The following ATP9A variants were observed in gnomAD, a reference collection of about 807,000 sequenced individuals.
The protein encoded by ATP9A is probable phospholipid-transporting ATPase IIA.
A neutral mutation model predicts 144.1 loss-of-function variants in ATP9A; 52 were observed. That is an observed-to-expected ratio of 0.36 (90% CI 0.29 to 0.45). The LOEUF (loss-of-function observed/expected upper bound fraction) is 0.45. Ranked by LOEUF, ATP9A falls within the 20% of genes least tolerant of loss-of-function variation. The probability of loss-of-function intolerance (pLI) is 1.00; values close to 1 mark genes in which losing one functional copy is unlikely to be tolerated. For missense variants in ATP9A, 947 were observed against 1,392.7 expected (o/e 0.68, Z 5.09); for synonymous variants, 582 against 557.4 (o/e 1.04, Z -0.62).
intron 4 of ATP9A, among the ~76,000 whole-genome samples, chr20:51,706,986 G>A (rs1481920385): frequency 6.6e-6 from 1 of 152,140 alleles, no homozygotes; most frequent in Non-Finnish European, 1.5e-5. Context: ...CTTCTCTGGA[G>A]AGGCTCAGGA....
intron 14 of ATP9A, among the ~76,000 whole-genome samples, chr20:51,648,303 C>T (rs2122758736): frequency 6.6e-6 from 1 of 152,298 alleles, no homozygotes; most frequent in South Asian, 2.1e-4. Flanking sequence ...TGTACTTGAG[C>T]TCTCCAGCAG....
intron 3 of ATP9A, among the ~76,000 whole-genome samples, chr20:51,717,873 G>A (rs73135640): frequency 0.2 from 29,895 of 151,534 alleles, 3,303 homozygotes; most frequent in South Asian, 0.37. Context: ...AGAATCACTT[G>A]AACCCGGGAG....
chr20:51,754,261 G>A (rs1321023297), intron 1 of ATP9A, among the ~76,000 whole-genome samples: 1 of 151,874 alleles, frequency 6.6e-6, no homozygotes, highest in African/African-American at 2.4e-5. Context: ...CAGCACTTTG[G>A]GAGGCCAAGG....
chr20:51,607,509 G>A lies in ATP9A; in HGVS notation c.2803+18C>T, dbSNP rs376369640. ...GTACCAGAGCACAAGACAAACAGGT[G>A]TCTCCACTCATCCTTACCTTGATAG... On this transcript the variant is annotated intron_variant, in intron 26 of 27. Coordinates refer to ENST00000338821, the MANE Select transcript of ATP9A (RefSeq NM_006045.3). 2.0e-5 allele frequency: 32 copies of A among 1,599,848 alleles called. No homozygotes were observed. The highest frequency in any genetic ancestry group is 1.5e-4 in the Admixed American group (9 of 59,828).
intron 1 of ATP9A, among the ~76,000 whole-genome samples, chr20:51,767,276 G>C (rs1029140210): frequency 1.3e-5 from 2 of 152,000 alleles, no homozygotes; most frequent in Non-Finnish European, 2.9e-5. Flanking sequence ...AGCCTCCCGC[G>C]GGCTCCAGCC....
chr20:51,742,706 C>G (rs6013264), intron 1 of ATP9A, among the ~76,000 whole-genome samples: 134,818 of 152,064 alleles, frequency 0.89, 59,851 homozygotes, highest in African/African-American at 0.92. Flanking sequence ...GTAGAGACGG[C>G]GTTTCACCAT....
intron 1 of ATP9A, among the ~76,000 whole-genome samples, chr20:51,753,791 C>T (rs1464692144): frequency 6.6e-6 from 1 of 151,200 alleles, no homozygotes; most frequent in East Asian, 2.0e-4. Flanking sequence ...CTCAGCCTCC[C>T]AAGTAGCTGG....
chr20:51,608,103 C>T (rs1412258473), intron 25 of ATP9A, among the ~76,000 whole-genome samples: 1 of 151,850 alleles, frequency 6.6e-6, no homozygotes, highest in African/African-American at 2.4e-5. Context: ...TAAACCTTCC[C>T]TTGGGTAAAA....
chr20:51,677,430 G>A (rs901689134), intron 9 of ATP9A, among the ~76,000 whole-genome samples: 2 of 152,144 alleles, frequency 1.3e-5, no homozygotes, highest in Non-Finnish European at 2.9e-5. Context: ...ATGGAACAGA[G>A]AAGACCCAGA....
At chr20:51,612,916 T>C (rs1043784369) in intron 23 of ATP9A, among the ~76,000 whole-genome samples, 3 of 152,198 alleles carry the variant, frequency 2.0e-5, no homozygotes, top group African/African-American at 7.2e-5. Flanking sequence ...TCAATCTCAG[T>C]GCCAAGTGTC....
At chr20:51,604,718 C>G (rs1465572953) in intron 27 of ATP9A, 99 bp downstream of exon 27, 1 of 1,143,510 alleles carries the variant, frequency 8.7e-7, no homozygotes, top group East Asian at 3.0e-5. Flanking sequence ...AGAGCCCAGG[C>G]CGAGCGCTGG....
chr20:51,674,100 G>A (rs928353492), intron 11 of ATP9A, 53 bp downstream of exon 11: 176 of 1,558,910 alleles, frequency 1.1e-4, no homozygotes, highest in Non-Finnish European at 1.2e-4. Flanking sequence ...CTTTGAATGA[G>A]TAAAGAGAAG....
chr20:51,733,153 C>T (rs73135659), intron 1 of ATP9A, among the ~76,000 whole-genome samples: 3,151 of 152,260 alleles, frequency 0.021, 35 homozygotes, highest in Middle Eastern at 0.054. Context: ...TAGCCTATCA[C>T]CTTTGTGCAT....
intron 1 of ATP9A, among the ~76,000 whole-genome samples, chr20:51,733,979 G>A (rs1298952251): frequency 2.0e-5 from 3 of 151,842 alleles, no homozygotes; most frequent in African/African-American, 7.3e-5. Flanking sequence ...GGCCCCTCAT[G>A]CCTTTTTCTT....
chr20:51,630,467 C>T (rs1371028136), intron 15 of ATP9A, among the ~76,000 whole-genome samples: 2 of 152,110 alleles, frequency 1.3e-5, no homozygotes, highest in East Asian at 3.9e-4. Context: ...CTTTGGGAGG[C>T]TCAGGTAGGT....
chr20:51,601,175 C>A lies in ATP9A; in HGVS notation c.*36G>T. 1 of 1,554,118 alleles carries A rather than the reference C, an allele frequency of 6.4e-7. No homozygotes were observed. The highest frequency in any genetic ancestry group is 1.2e-5 in the South Asian group (1 of 81,570). ...ACTTGAGCTCTGTCCATCAGGGAAG[C>A]GCCAAGACCAGGGCCCCCTCCAGCG... On this transcript the variant is annotated 3_prime_UTR_variant, in exon 28 of 28. Coordinates refer to ENST00000338821, the MANE Select transcript of ATP9A (RefSeq NM_006045.3).
chr20:51,632,952 G>A (rs755462654), intron 15 of ATP9A, among the ~76,000 whole-genome samples: 3 of 151,908 alleles, frequency 2.0e-5, no homozygotes, highest in African/African-American at 4.8e-5. Context: ...GTGAAACCCC[G>A]TCTCTACTAA....
chr20:51,617,281 G>A (rs952916246), intron 22 of ATP9A, among the ~76,000 whole-genome samples: 3 of 152,042 alleles, frequency 2.0e-5, no homozygotes, highest in Admixed American at 6.6e-5. Context: ...TCAGGTCGTG[G>A]CAAACAAAAA....
intron 23 of ATP9A, among the ~76,000 whole-genome samples, chr20:51,612,388 C>A (rs1471425321): frequency 6.6e-6 from 1 of 152,212 alleles, no homozygotes; most frequent in African/African-American, 2.4e-5. Flanking sequence ...GGCCTCCTTT[C>A]TACTCCACAC....
Sources: allele counts gnomAD v4.1 joint callset (sites outside exome capture counted in the v4.1 genomes callset), GRCh38; gene constraint gnomAD v4.1.1; transcripts MANE v1.5; gene names NCBI Gene and HGNC (gene_info 2026-07-23, HGNC 2026-07-21).